MYO3B: variants seen among roughly 807,000 people sequenced by gnomAD.
MYO3B encodes myosin-IIIb.
A neutral mutation model predicts 174.6 loss-of-function variants in MYO3B; 156 were observed. That is an observed-to-expected ratio of 0.89 (90% confidence interval 0.78 to 1.02). MYO3B has a LOEUF of 1.02. Ranked by LOEUF, MYO3B falls within the 50% of genes least tolerant of loss-of-function variation. The pLI is 0.00. For missense variants in MYO3B, 1,632 were observed against 1,639.4 expected (o/e 1.00, Z 0.08); for synonymous variants, 563 against 569.1 (o/e 0.99, Z 0.15).
chr2:170,649,438 C>T, intron 32 of MYO3B, among the ~76,000 whole-genome samples: 1 of 80,906 alleles, frequency 1.2e-5, no homozygotes, highest in South Asian at 4.8e-4. Context: ...TAATATATTA[C>T]ATATAAAATA....
chr2:170,255,059 A>G (rs1037312623), intron 7 of MYO3B, among the ~76,000 whole-genome samples: 2 of 152,206 alleles, frequency 1.3e-5, no homozygotes, highest in African/African-American at 2.4e-5. Flanking sequence ...CACCCATGGC[A>G]CTACTGCTCT....
At chr2:170,326,880 A>G (rs1324464443) in intron 7 of MYO3B, among the ~76,000 whole-genome samples, 2 of 152,182 alleles carry the variant, frequency 1.3e-5, no homozygotes, top group African/African-American at 2.4e-5. Flanking sequence ...TAATCTTCAT[A>G]TTCTGGGATG....
At chr2:170,483,879 C>T (rs1327780536) in intron 25 of MYO3B, among the ~76,000 whole-genome samples, 3 of 152,140 alleles carry the variant, frequency 2.0e-5, no homozygotes. Flanking sequence ...TTCACAGCCT[C>T]GATGTGGCCT....
chr2:170,601,757 C>A, intron 32 of MYO3B: 1 of 1,418,456 alleles, frequency 7.0e-7, no homozygotes, highest in Non-Finnish European at 9.9e-7. Context: ...GTAGCTGTAT[C>A]CTTTTTGTAT....
intron 7 of MYO3B, among the ~76,000 whole-genome samples, chr2:170,271,803 C>T (rs377087061): frequency 8.5e-5 from 13 of 152,190 alleles, no homozygotes; most frequent in African/African-American, 2.7e-4. Flanking sequence ...TTATGCCCAG[C>T]ACTGACTGAT....
chr2:170,518,511 A>G (rs1353118894), intron 29 of MYO3B, among the ~76,000 whole-genome samples: 1 of 152,198 alleles, frequency 6.6e-6, no homozygotes, highest in African/African-American at 2.4e-5. Flanking sequence ...TTAATAATTG[A>G]TGGCAGTTCC....
intron 32 of MYO3B, among the ~76,000 whole-genome samples, chr2:170,572,653 C>G (rs1395340765): frequency 6.6e-6 from 1 of 150,730 alleles, no homozygotes; most frequent in Non-Finnish European, 1.5e-5. Context: ...CTCCCACCAA[C>G]AGCATATGCC....
chr2:170,565,217 A>G (rs1202045867), intron 32 of MYO3B, among the ~76,000 whole-genome samples: 1 of 152,220 alleles, frequency 6.6e-6, no homozygotes, highest in Non-Finnish European at 1.5e-5. Flanking sequence ...GAGCATTCGT[A>G]GTATTGTTTG....
intron 32 of MYO3B, among the ~76,000 whole-genome samples, chr2:170,585,394 T>G (rs1334947512): frequency 1.3e-5 from 2 of 152,090 alleles, no homozygotes; most frequent in African/African-American, 4.8e-5. Flanking sequence ...GTATCAGTTC[T>G]TATACCCAAC....
At chr2:170,199,080 A>T in intron 1 of MYO3B, 128 bp from the exon 2 acceptor site, 1 of 631,506 alleles carries the variant, frequency 1.6e-6, no homozygotes, top group Non-Finnish European at 2.5e-6. Context: ...AAATTTATTT[A>T]CAATAGAGGA....
intron 7 of MYO3B, among the ~76,000 whole-genome samples, chr2:170,330,275 G>T (rs566527436): frequency 6.6e-6 from 1 of 152,020 alleles, no homozygotes; most frequent in East Asian, 1.9e-4. Flanking sequence ...CCTTCTTGAG[G>T]CATTGCTTGC....
intron 27 of MYO3B, 26 bp from the exon 28 acceptor site, chr2:170,501,759 C>A (rs779652911): frequency 1.3e-6 from 2 of 1,506,764 alleles, no homozygotes; most frequent in African/African-American, 2.8e-5. Flanking sequence ...TAATGTCATT[C>A]CTAGCACATG....
intron 28 of MYO3B, among the ~76,000 whole-genome samples, chr2:170,513,549 C>T (rs1688111741): frequency 6.6e-6 from 1 of 152,196 alleles, no homozygotes; most frequent in Non-Finnish European, 1.5e-5. Flanking sequence ...TCATTTTTAA[C>T]TAACTACATC....
intron 22 of MYO3B, among the ~76,000 whole-genome samples, chr2:170,422,462 C>CTTTTTTTTTTTTTTTTTTTTTTGTTTTT (rs35820262): frequency 6.9e-6 from 1 of 144,208 alleles, no homozygotes. Flanking sequence ...CTATTAGCCA[C>CTTTTTTTTTTTTTTTTTTTTTTGTTTTT]TTTTTTTTTT....
At chr2:170,307,474 A>G (rs1426017961) in intron 7 of MYO3B, among the ~76,000 whole-genome samples, 1 of 152,170 alleles carries the variant, frequency 6.6e-6, no homozygotes, top group Non-Finnish European at 1.5e-5. Context: ...GCTGTTATCA[A>G]TATAATAGAG....
At chr2:170,423,283 T>TG (rs2094632859) in intron 22 of MYO3B, among the ~76,000 whole-genome samples, 1 of 151,802 alleles carries the variant, frequency 6.6e-6, no homozygotes, top group Admixed American at 6.6e-5. Flanking sequence ...GTGCCCAGCC[T>TG]AATCCAGCCA....
At chr2:170,178,518 C>T (rs951321438) in intron 1 of MYO3B, among the ~76,000 whole-genome samples, 6 of 148,308 alleles carry the variant, frequency 4.0e-5, no homozygotes, top group Non-Finnish European at 8.9e-5. Flanking sequence ...TAAACACCCT[C>T]TTGAGTATTG....
In MYO3B at chr2:170,239,827, A is replaced by G. The variant is rs61406731; in HGVS notation, c.749+3691A>G. Among the ~76,000 whole-genome samples the G allele has an allele frequency of 5.6e-3, 846 of 152,350 alleles. 7 individuals carry two copies. The highest frequency in any genetic ancestry group is 0.019 in the African/African-American group (799 of 41,592). On this transcript the variant is annotated intron_variant, in intron 7 of 34. Transcript: ENST00000408978. ...CTTAGGGCTGCTACAGCGAATGACC[A>G]CAAACTCGGTGGATTAAAGCAACAG...
At chr2:170,225,052 T>C (rs925576083) in intron 6 of MYO3B, among the ~76,000 whole-genome samples, 1 of 152,140 alleles carries the variant, frequency 6.6e-6, no homozygotes, top group South Asian at 2.1e-4. Flanking sequence ...CACTATAGAG[T>C]TGAATTATTA....
Sources: gnomAD v4.1 joint callset for allele counts (sites outside exome capture counted in the v4.1 genomes callset) on GRCh38, gnomAD v4.1.1 for gene constraint, MANE v1.5 for transcripts, NCBI Gene and HGNC (gene_info 2026-07-23, HGNC 2026-07-21) for gene names.